The following ATP6V0C variants were observed in gnomAD, a reference collection of about 807,000 sequenced individuals.
ATP6V0C encodes ATPase H+ transporting V0 subunit c, also known as V-type proton ATPase 16 kDa proteolipid subunit c.
Under a neutral mutation model 10.6 loss-of-function variants are expected in ATP6V0C, and 2 were observed. The observed-to-expected ratio is 0.19, with a 90% CI of 0.08 to 0.59. The LOEUF is 0.59. Ranked by LOEUF, ATP6V0C falls within the 20% of genes least tolerant of loss-of-function variation. ATP6V0C has a pLI of 0.90. For synonymous variants in ATP6V0C, 128 were observed against 101.3 expected (o/e 1.26, Z -1.59); for missense variants, 89 against 225.9 (o/e 0.39, Z 3.88).
chr16:2,515,118 C>T (rs2065870876), intron 1 of ATP6V0C, among the ~76,000 whole-genome samples: 1 of 152,114 alleles, frequency 6.6e-6, no homozygotes. Context: ...TTCTAGGGTT[C>T]TTGGTGGCAC....
intron 1 of ATP6V0C, chr16:2,517,713 TTGTG>T (rs142726423): frequency 0.11 from 16,055 of 141,214 alleles, 902 homozygotes; most frequent in Middle Eastern, 0.19. Flanking sequence ...GTCAGGCTGT[TTGTG>T]TGTGTGTGTG....
At position 2,514,025 on chromosome 16, in the gene ATP6V0C, C is replaced by T. The variant is rs919386222; in HGVS notation, c.-79C>T. On this transcript the variant is annotated 5_prime_UTR_variant, in exon 1 of 3. Coordinates refer to ENST00000330398, the MANE Select transcript of ATP6V0C (RefSeq NM_001694.4). Reference sequence around the variant, plus strand: ...CCTTCGCCGCCGCCCGCCCGCAAACCTTCGTGCCCGGCCCGTCCTCGCCCC... The same window carrying T: ...CCTTCGCCGCCGCCCGCCCGCAAACTTTCGTGCCCGGCCCGTCCTCGCCCC... The T allele has an allele frequency of 1.2e-5, 17 of 1,375,792 alleles. No homozygotes were observed. Among genetic ancestry groups the T allele is most frequent in the East Asian group, 8.4e-5 (3 of 35,650 alleles). 85.2% of individuals were successfully genotyped at this position (1,375,792 alleles called of 1,614,324 possible).
At chr16:2,513,892 A>C, upstream of ATP6V0C, 1 of 476,604 alleles carries the variant, frequency 2.1e-6, no homozygotes, top group Non-Finnish European at 3.7e-6. Flanking sequence ...CACGGTGCGA[A>C]GTGGTACGGC....
Position 2,514,162 on chromosome 16 carries a change from C to A in ATP6V0C, c.59C>A (p.Ser20Ter). The A allele has an allele frequency of 6.3e-7, 1 of 1,583,478 alleles. No homozygotes were observed. The highest frequency in any genetic ancestry group is 1.7e-5 in the Admixed American group (1 of 57,216). Residue 20 changes from serine to a stop codon, truncating the protein, a stop_gained, in exon 1 of 3, where the codon TCG (serine) becomes TAG (stop). Coordinates refer to ENST00000330398, the MANE Select transcript of ATP6V0C (RefSeq NM_001694.4). LOFTEE classifies it high-confidence loss of function. ...TCGTTTTTCGCCGTCATGGGCGCCTCGGCCGCCATGGTCTTCAGCGGTGAG... is the reference window on the plus strand; with the variant it reads ...TCGTTTTTCGCCGTCATGGGCGCCTAGGCCGCCATGGTCTTCAGCGGTGAG... ...YASFFAVMGASAAMVFSALGA... is the reference protein window; with the variant it reads ...YASFFAVMGA
upstream of ATP6V0C, chr16:2,513,907 AG>A: frequency 2.0e-6 from 1 of 510,092 alleles, no homozygotes; most frequent in Middle Eastern, 5.3e-4. Context: ...TACGGCTCGC[AG>A]GGGCGGGGCC....
chr16:2,514,183 G>T lies in ATP6V0C; in HGVS notation c.79+1G>T. 6.4e-7 allele frequency: 1 copy of T among 1,560,660 alleles called. No homozygotes were observed. The highest frequency in any genetic ancestry group is 8.7e-7 in the Non-Finnish European group (1 of 1,154,100). On this transcript the variant is annotated splice_donor_variant, in intron 1 of 2. Transcript: ENST00000330398. LOFTEE classifies it high-confidence loss of function. ...GCCTCGGCCGCCATGGTCTTCAGCG[G>T]TGAGCGCGGCGGCGGGAGGGACTCG...
chr16:2,514,164 G>A lies in ATP6V0C; in HGVS notation c.61G>A (p.Ala21Thr). ...ASFFAVMGAS[A>T]AMVFSALGAA... ...GTTTTTCGCCGTCATGGGCGCCTCGGCCGCCATGGTCTTCAGCGGTGAGCG... is the reference window on the plus strand; with the variant it reads ...GTTTTTCGCCGTCATGGGCGCCTCGACCGCCATGGTCTTCAGCGGTGAGCG... Residue 21 changes from alanine to threonine, a missense_variant, in exon 1 of 3, where the codon GCC becomes ACC. Ala to Thr is a moderately conservative substitution (Grantham distance 58). Around this residue, in one of 4 missense-constraint regions of ATP6V0C, gnomAD observed 26 missense variants for 33.7 expected, o/e 0.77. Transcript: ENST00000330398. 1.3e-6 allele frequency: 2 copies of A among 1,582,352 alleles called. No individual in the cohort carries two copies. The highest frequency in any genetic ancestry group is 1.2e-5 in the South Asian group (1 of 86,772).
At chr16:2,514,319 C>T (rs1482837445) in intron 1 of ATP6V0C, 137 bp downstream of exon 1, 4 of 957,208 alleles carry the variant, frequency 4.2e-6, no homozygotes, top group South Asian at 2.6e-5. Flanking sequence ...CGTGTGACAG[C>T]GGGCGGGGGT....
intron 1 of ATP6V0C, chr16:2,517,433 C>T (rs2065882046): frequency 6.6e-6 from 1 of 152,328 alleles, no homozygotes. Context: ...TATCCAGAGC[C>T]CTTGTCTTAT....
chr16:2,519,526 T>C lies in ATP6V0C; in HGVS notation c.264-15T>C, dbSNP rs769866122. 2.4e-5 allele frequency: 37 copies of C among 1,542,910 alleles called. No individual in the cohort carries two copies. The highest frequency in any genetic ancestry group is 3.2e-5 in the Non-Finnish European group (37 of 1,142,006). On this transcript the variant is annotated splice_polypyrimidine_tract_variant and intron_variant, in intron 2 of 2. Coordinates refer to ENST00000330398, the MANE Select transcript of ATP6V0C (RefSeq NM_001694.4). ...TGGCAGGCTGCTGATGTCAGTCCTC[T>C]CTTCTCGCCCCCAGGAGCTTCCTCC... is the stretch of plus-strand genomic sequence containing the variant.
chr16:2,514,003 T>G lies in ATP6V0C; in HGVS notation c.-101T>G, dbSNP rs1458249547. The G allele has an allele frequency of 2.7e-6, 3 of 1,131,394 alleles. No individual in the cohort carries two copies. The highest frequency in any genetic ancestry group is 3.3e-5 in the African/African-American group (2 of 60,250). The allele number at this position is 1,131,394 out of a possible 1,614,324, so 70.1% of individuals were successfully genotyped here. The stretch of plus-strand genomic sequence containing the variant: ...CAGCGGCTGACGGGCCGGATCGCCT[T>G]CGCCGCCGCCCGCCCGCAAACCTTC... On this transcript the variant is annotated 5_prime_UTR_variant, in exon 1 of 3. Coordinates refer to ENST00000330398, the MANE Select transcript of ATP6V0C (RefSeq NM_001694.4).
chr16:2,519,432 G>T, intron 2 of ATP6V0C, 31 bp downstream of exon 2: 2 of 1,593,802 alleles, frequency 1.3e-6, no homozygotes, highest in South Asian at 1.1e-5. Context: ...CCTGCCCAGG[G>T]CTGGAGGACT....
chr16:2,516,300 G>C (rs1389587688), intron 1 of ATP6V0C, among the ~76,000 whole-genome samples: 1 of 151,822 alleles, frequency 6.6e-6, no homozygotes, highest in Non-Finnish European at 1.5e-5. Flanking sequence ...TTAGAGACAG[G>C]GTCTCGCCAT....
chr16:2,514,265 C>T, intron 1 of ATP6V0C, 83 bp downstream of exon 1: 2 of 1,408,028 alleles, frequency 1.4e-6, no homozygotes, highest in African/African-American at 1.5e-5. Flanking sequence ...CGGTGTGTGA[C>T]GTCACTCTGA....
chr16:2,520,167 C>G lies in ATP6V0C; in HGVS notation c.*422C>G. The G allele has an allele frequency of 1.9e-6, 1 of 524,768 alleles. No homozygotes were observed. Among genetic ancestry groups the G allele is most frequent in the East Asian group, 3.6e-5 (1 of 27,460 alleles). 32.5% of individuals were successfully genotyped at this position (524,768 alleles called of 1,614,324 possible). On this transcript the variant is annotated 3_prime_UTR_variant, in exon 3 of 3. Coordinates refer to ENST00000330398, the MANE Select transcript of ATP6V0C (RefSeq NM_001694.4). ...TTCCTGGATGGAGCCGCCCTCACCG[C>G]CGGGCCCGTGGCCCTGCGCGGAGCT...
intron 1 of ATP6V0C, among the ~76,000 whole-genome samples, chr16:2,515,385 G>A (rs1327600198): frequency 6.6e-5 from 10 of 152,236 alleles, no homozygotes. Flanking sequence ...TCCTAGTGCA[G>A]ATATGTGGAG....
upstream of ATP6V0C, chr16:2,513,847 C>T (rs1244428194): frequency 9.2e-6 from 3 of 326,036 alleles, no homozygotes; most frequent in Non-Finnish European, 1.7e-5. Context: ...GGGAGGTCAA[C>T]GGGCCGGCCG....
rs894136527 is a variant in ATP6V0C, at chr16:2,513,996, A to G, written c.-108A>G. ...TAGAGCGCAGCGGCTGACGGGCCGGATCGCCTTCGCCGCCGCCCGCCCGCA... is the reference window on the plus strand; with the variant it reads ...TAGAGCGCAGCGGCTGACGGGCCGGGTCGCCTTCGCCGCCGCCCGCCCGCA... On this transcript the variant is annotated 5_prime_UTR_variant, in exon 1 of 3. Transcript: ENST00000330398. 2 of 993,690 alleles carry G rather than the reference A, an allele frequency of 2.0e-6. No homozygotes were observed. Among genetic ancestry groups the G allele is most frequent in the African/African-American group, 1.7e-5 (1 of 57,498 alleles). 61.6% of individuals were successfully genotyped at this position (993,690 alleles called of 1,614,324 possible).
intron 1 of ATP6V0C, among the ~76,000 whole-genome samples, chr16:2,514,772 C>T (rs1171259188): frequency 6.6e-6 from 1 of 152,194 alleles, no homozygotes; most frequent in South Asian, 2.1e-4. Flanking sequence ...TACAGTTGCC[C>T]AATACCCGTG....
Sources: gnomAD v4.1 joint callset for allele counts (sites outside exome capture counted in the v4.1 genomes callset) on GRCh38, gnomAD v4.1.1 for gene constraint, gnomAD v4.1.1 regional missense constraint, MANE v1.5 for transcripts, NCBI Gene and HGNC (gene_info 2026-07-23, HGNC 2026-07-21) for gene names.